Variants in MACROD2 observed in about 807,000 individuals in gnomAD.
The protein encoded by MACROD2 is ADP-ribose glycohydrolase MACROD2.
A neutral mutation model predicts 70.4 loss-of-function variants in MACROD2; 36 were observed. That is an observed-to-expected ratio of 0.51 (90% confidence interval 0.39 to 0.68). The LOEUF (loss-of-function observed/expected upper bound fraction) is 0.68. MACROD2 is among the 30% of genes least tolerant of loss of function. MACROD2 has a pLI of 0.00. For missense variants in MACROD2, 496 were observed against 538.4 expected (o/e 0.92, Z 0.78); for synonymous variants, 172 against 178.8 (o/e 0.96, Z 0.30).
chr20:15,119,152 G>T (rs2076012752), intron 5 of MACROD2, among the ~76,000 whole-genome samples: 1 of 152,112 alleles, frequency 6.6e-6, no homozygotes, highest in South Asian at 2.1e-4. Flanking sequence ...GTACCATTTG[G>T]AAACCATTAT....
At chr20:14,773,278 A>G (rs1358319701) in intron 5 of MACROD2, among the ~76,000 whole-genome samples, 1 of 152,100 alleles carries the variant, frequency 6.6e-6, no homozygotes, top group African/African-American at 2.4e-5. Flanking sequence ...AGATATTTCT[A>G]TGCAATAAAT....
At chr20:15,332,356 C>A (rs530062162) in intron 6 of MACROD2, among the ~76,000 whole-genome samples, 3 of 151,574 alleles carry the variant, frequency 2.0e-5, no homozygotes, top group Non-Finnish European at 2.9e-5. Flanking sequence ...ATACTTCATA[C>A]GCTTAGGAGG....
chr20:15,011,575 G>A (rs962859220), intron 5 of MACROD2, among the ~76,000 whole-genome samples: 4 of 152,062 alleles, frequency 2.6e-5, no homozygotes, highest in African/African-American at 9.7e-5. Context: ...TCTCATCAAA[G>A]CATTTGGAAA....
At chr20:15,342,814 C>G (rs1434449486) in intron 6 of MACROD2, among the ~76,000 whole-genome samples, 1 of 152,000 alleles carries the variant, frequency 6.6e-6, no homozygotes, top group Non-Finnish European at 1.5e-5. Flanking sequence ...ATATATGTGA[C>G]CTTATTATGG....
rs541579906 is a variant in MACROD2, at chr20:15,328,080, G to A, written c.540+98019G>A. 2.0e-5 allele frequency among the ~76,000 whole-genome samples: 3 copies of A among 152,108 alleles called. No homozygotes were observed. The South Asian group carries it at 6.2e-4, about 32-fold the overall frequency. On this transcript the variant is annotated intron_variant, in intron 6 of 17. Coordinates refer to ENST00000684519, the MANE Select transcript of MACROD2 (RefSeq NM_001351661.2). ...GGATCAGAAGGGTCAAATAATTGGG[G>A]CCAAGGTCCAAGGTGGGGATGTCAC... is the stretch of plus-strand genomic sequence containing the variant.
Position 16,052,134 on chromosome 20 carries a change from C to T in MACROD2, c.*2258C>T, listed in dbSNP as rs2067466193. 6.6e-6 allele frequency: 1 copy of T among 152,216 alleles called. No individual in the cohort carries two copies. The highest frequency in any genetic ancestry group is 1.5e-5 in the Non-Finnish European group (1 of 68,032). 9.4% of individuals were successfully genotyped at this position (152,216 alleles called of 1,614,324 possible). ...AGCCCGACTCCTGAATTTGTTTATT[C>T]TTCCATCTATAATTAGATTGTGTTT... On this transcript the variant is annotated 3_prime_UTR_variant, in exon 18 of 18. Transcript: ENST00000684519.
intron 3 of MACROD2, among the ~76,000 whole-genome samples, chr20:14,097,642 C>T (rs572066178): frequency 6.6e-6 from 1 of 152,186 alleles, no homozygotes. Flanking sequence ...CTTTCTGAAC[C>T]TCAGTTTTCT....
chr20:14,590,181 T>C (rs1338165065), intron 4 of MACROD2, among the ~76,000 whole-genome samples: 2 of 152,172 alleles, frequency 1.3e-5, no homozygotes, highest in African/African-American at 2.4e-5. Context: ...CTTTTGATCA[T>C]GAAAAGTGAC....
chr20:14,422,987 C>A (rs1227662280), intron 3 of MACROD2, among the ~76,000 whole-genome samples: 1 of 152,192 alleles, frequency 6.6e-6, no homozygotes, highest in East Asian at 1.9e-4. Flanking sequence ...ATCAGCCCCG[C>A]CCACACTTTT....
intron 3 of MACROD2, among the ~76,000 whole-genome samples, chr20:14,475,356 C>T (rs553977432): frequency 1.1e-4 from 16 of 151,926 alleles, no homozygotes; most frequent in Admixed American, 2.6e-4. Context: ...AATAGTTTTT[C>T]TTTTAGTCTT....
chr20:14,959,686 G>A (rs2074567034), intron 5 of MACROD2, among the ~76,000 whole-genome samples: 2 of 152,168 alleles, frequency 1.3e-5, no homozygotes, highest in Non-Finnish European at 2.9e-5. Flanking sequence ...GTTGTACAAC[G>A]TGGGGCCTTG....
intron 8 of MACROD2, among the ~76,000 whole-genome samples, chr20:15,821,454 C>A (rs1432529434): frequency 6.6e-6 from 1 of 151,968 alleles, no homozygotes; most frequent in Non-Finnish European, 1.5e-5. Flanking sequence ...ACATTTCTGA[C>A]CCTGACATCA....
At chr20:14,790,038 C>G (rs904502914) in intron 5 of MACROD2, among the ~76,000 whole-genome samples, 2 of 151,964 alleles carry the variant, frequency 1.3e-5, no homozygotes, top group African/African-American at 4.8e-5. Context: ...CACTTATATG[C>G]AAACAAACCT....
chr20:15,615,911 CTG>C (rs2049030889), intron 8 of MACROD2, among the ~76,000 whole-genome samples: 1 of 152,054 alleles, frequency 6.6e-6, no homozygotes, highest in Non-Finnish European at 1.5e-5. Flanking sequence ...CCAAGAGAGA[CTG>C]TATTAAACCA....
At chr20:15,582,599 T>C (rs755182801) in intron 8 of MACROD2, among the ~76,000 whole-genome samples, 3 of 152,228 alleles carry the variant, frequency 2.0e-5, no homozygotes, top group Non-Finnish European at 4.4e-5. Context: ...ACGACTCATG[T>C]AGTCTACCTG....
At chr20:14,159,064 C>T (rs2055146166) in intron 3 of MACROD2, among the ~76,000 whole-genome samples, 1 of 152,040 alleles carries the variant, frequency 6.6e-6, no homozygotes. Context: ...TAGTGAAACT[C>T]CATCTCTACT....
At chr20:14,499,509 G>A (rs1220404193) in intron 4 of MACROD2, among the ~76,000 whole-genome samples, 1 of 152,022 alleles carries the variant, frequency 6.6e-6, no homozygotes, top group East Asian at 1.9e-4. Context: ...CTCCAGCCTG[G>A]CCATCAGAGT....
intron 8 of MACROD2, among the ~76,000 whole-genome samples, chr20:15,836,035 A>T (rs1009829989): frequency 5.7e-4 from 87 of 152,308 alleles, no homozygotes; most frequent in African/African-American, 2.0e-3. Flanking sequence ...GAAGCCTCAG[A>T]TCAAGTCCAT....
chr20:15,255,466 T>C (rs1191418573), intron 6 of MACROD2, among the ~76,000 whole-genome samples: 1 of 152,108 alleles, frequency 6.6e-6, no homozygotes, highest in African/African-American at 2.4e-5. Flanking sequence ...ACTTTGACAG[T>C]CTTGGCAGTA....
Sources: allele counts gnomAD v4.1 joint callset (sites outside exome capture counted in the v4.1 genomes callset), GRCh38; gene constraint gnomAD v4.1.1; transcripts MANE v1.5; gene names NCBI Gene and HGNC (gene_info 2026-07-23, HGNC 2026-07-21).